The following GPC5 variants were observed in gnomAD, a reference collection of about 807,000 sequenced individuals.
GPC5 encodes glypican-5.
GPC5 carries 47 observed loss-of-function variants against 53.9 expected under a neutral mutation model. The observed-to-expected ratio is 0.87, with a 90% CI of 0.69 to 1.11. GPC5 has a LOEUF of 1.11. Among genes scored for constraint, GPC5 ranks in the 50% most tolerant of loss-of-function variants. The probability of loss-of-function intolerance (pLI) is 0.00; values close to 1 mark genes in which losing one functional copy is unlikely to be tolerated. For missense variants in GPC5, 748 were observed against 713.1 expected, an observed-to-expected ratio of 1.05 and a Z score of -0.56; for synonymous variants, 286 against 263.3, an observed-to-expected ratio of 1.09 and a Z score of -0.84.
At chr13:91,641,882 A>G (rs2034439747) in intron 2 of GPC5, among the ~76,000 whole-genome samples, 1 of 152,226 alleles carries the variant, frequency 6.6e-6, no homozygotes. Context: ...GAAGAGAGCT[A>G]GTTAAGAAAT....
chr13:91,862,299 A>T (rs2039038681), intron 5 of GPC5, among the ~76,000 whole-genome samples: 1 of 152,186 alleles, frequency 6.6e-6, no homozygotes, highest in African/African-American at 2.4e-5. Flanking sequence ...CAATATATAG[A>T]AATGAACCTG....
At chr13:91,890,839 A>T (rs1182942943) in intron 5 of GPC5, among the ~76,000 whole-genome samples, 1 of 152,182 alleles carries the variant, frequency 6.6e-6, no homozygotes, top group African/African-American at 2.4e-5. Flanking sequence ...AGGCATTAAG[A>T]GGAGTAGAAG....
At chr13:91,696,532 T>C (rs1413853186) in intron 3 of GPC5, among the ~76,000 whole-genome samples, 1 of 152,198 alleles carries the variant, frequency 6.6e-6, no homozygotes, top group Non-Finnish European at 1.5e-5. Context: ...TCGATGAATT[T>C]AACAAATTCA....
At chr13:91,723,536 C>T (rs2036517658) in intron 3 of GPC5, among the ~76,000 whole-genome samples, 1 of 151,728 alleles carries the variant, frequency 6.6e-6, no homozygotes, top group African/African-American at 2.4e-5. Context: ...TTCCATATAT[C>T]AGTGTCTGGC....
intron 7 of GPC5, among the ~76,000 whole-genome samples, chr13:92,251,687 C>T (rs1428292713): frequency 6.6e-6 from 1 of 152,090 alleles, no homozygotes; most frequent in Non-Finnish European, 1.5e-5. Flanking sequence ...CCCTGAATGA[C>T]AATGTCTTTT....
chr13:91,694,866 C>T (rs2035845915), intron 3 of GPC5, among the ~76,000 whole-genome samples: 1 of 152,182 alleles, frequency 6.6e-6, no homozygotes, highest in African/African-American at 2.4e-5. Flanking sequence ...GCCTCAGCTT[C>T]CCAAAGTGCT....
In GPC5 at chr13:91,988,546, C is replaced by T. The variant is rs577852862; in HGVS notation, c.1401+80489C>T. Among the ~76,000 whole-genome samples the T allele has an allele frequency of 2.6e-5, 4 of 152,258 alleles. No individual in the cohort carries two copies. The South Asian group carries it at 6.2e-4, about 24-fold the overall frequency. ...TAGGAACAGCAATCTGGAAGATCAGCGCTGTGAAAGGCATGCTGTTGGTAG... is the reference window on the plus strand; with the variant it reads ...TAGGAACAGCAATCTGGAAGATCAGTGCTGTGAAAGGCATGCTGTTGGTAG... On this transcript the variant is annotated intron_variant, in intron 6 of 7. Transcript: ENST00000377067.
intron 7 of GPC5, among the ~76,000 whole-genome samples, chr13:92,173,077 T>C (rs546951777): frequency 3.3e-5 from 5 of 151,964 alleles, no homozygotes; most frequent in South Asian, 2.1e-4. Flanking sequence ...TGCTTATAGA[T>C]TCAATCAATC....
intron 2 of GPC5, among the ~76,000 whole-genome samples, chr13:91,493,839 T>C (rs1461816797): frequency 6.6e-6 from 1 of 152,026 alleles, no homozygotes; most frequent in African/African-American, 2.4e-5. Context: ...TCTACCCTCA[T>C]GTTTATCCTC....
chr13:92,836,467 T>C (rs1408485901), intron 7 of GPC5, among the ~76,000 whole-genome samples: 3 of 152,066 alleles, frequency 2.0e-5, no homozygotes, highest in African/African-American at 4.8e-5. Context: ...AAATAGAATT[T>C]TATTAAGTTG....
At chr13:92,283,415 C>A (rs542743368) in intron 7 of GPC5, among the ~76,000 whole-genome samples, 6 of 152,304 alleles carry the variant, frequency 3.9e-5, no homozygotes, top group African/African-American at 1.4e-4. Flanking sequence ...TCAGAACTCT[C>A]CACCCCAAAT....
intron 7 of GPC5, among the ~76,000 whole-genome samples, chr13:92,192,159 G>A (rs887778337): frequency 2.6e-5 from 4 of 151,574 alleles, no homozygotes; most frequent in African/African-American, 9.8e-5. Flanking sequence ...TACAGTGGTT[G>A]ATACTTGTTA....
intron 7 of GPC5, among the ~76,000 whole-genome samples, chr13:92,657,882 T>G (rs1424748922): frequency 6.6e-6 from 1 of 152,166 alleles, no homozygotes; most frequent in Non-Finnish European, 1.5e-5. Flanking sequence ...CTAATAAAGT[T>G]GAGATCATCT....
intron 7 of GPC5, among the ~76,000 whole-genome samples, chr13:92,596,027 A>T (rs771822748): frequency 3.9e-5 from 6 of 152,118 alleles, no homozygotes; most frequent in Admixed American, 2.0e-4. Flanking sequence ...AAAATTTCAT[A>T]CTTGTTTCTA....
intron 7 of GPC5, among the ~76,000 whole-genome samples, chr13:92,633,461 G>GT (rs1885320776): frequency 6.6e-6 from 1 of 152,050 alleles, no homozygotes; most frequent in Non-Finnish European, 1.5e-5. Flanking sequence ...AAAATATTTA[G>GT]TTTTTTGCAC....
In GPC5 at chr13:91,578,773, C is replaced by T. The variant is rs187696031; in HGVS notation, c.326-114414C>T. Among the ~76,000 whole-genome samples the T allele has an allele frequency of 1.9e-3, 293 of 151,910 alleles. 1 individual carries two copies. The highest frequency in any genetic ancestry group is 6.8e-3 in the African/African-American group (282 of 41,430). ...ACGAATGTAAATTTTAGGCCGGGTG[C>T]GGTGGCTCGTGCCTGTAATCCTAAC... On this transcript the variant is annotated intron_variant, in intron 2 of 7. Coordinates refer to ENST00000377067, the MANE Select transcript of GPC5 (RefSeq NM_004466.6).
At chr13:91,853,993 A>G (rs894470712) in intron 5 of GPC5, among the ~76,000 whole-genome samples, 1 of 151,706 alleles carries the variant, frequency 6.6e-6, no homozygotes, top group Non-Finnish European at 1.5e-5. Flanking sequence ...CAATTTCACT[A>G]TGGTTATTTT....
intron 3 of GPC5, among the ~76,000 whole-genome samples, chr13:91,706,207 A>G (rs1034161639): frequency 6.8e-6 from 1 of 147,310 alleles, no homozygotes; most frequent in Non-Finnish European, 1.5e-5. Context: ...TTTTTTTTTT[A>G]CTTACTATTT....
chr13:92,484,937 G>A (rs565954002), intron 7 of GPC5, among the ~76,000 whole-genome samples: 47 of 151,844 alleles, frequency 3.1e-4, no homozygotes, highest in African/African-American at 8.9e-4. Context: ...GGATTTCACC[G>A]GTTGACCAAG....
Sources: gnomAD v4.1 joint callset for allele counts (sites outside exome capture counted in the v4.1 genomes callset) on GRCh38, gnomAD v4.1.1 for gene constraint, MANE v1.5 for transcripts, NCBI Gene and HGNC (gene_info 2026-07-23, HGNC 2026-07-21) for gene names.